KCTD16: variants seen among roughly 807,000 people sequenced by gnomAD.
The protein encoded by KCTD16 is BTB/POZ domain-containing protein KCTD16.
A neutral mutation model predicts 33.2 loss-of-function variants in KCTD16; 13 were observed. The ratio of observed to expected loss-of-function variants is 0.39; its 90% confidence interval spans 0.25 to 0.62. KCTD16 has a LOEUF of 0.62. Ranked by LOEUF, KCTD16 falls within the 20% of genes least tolerant of loss-of-function variation. KCTD16 has a pLI of 0.50. For synonymous variants in KCTD16, 197 were observed against 195.3 expected (o/e 1.01, Z -0.07); for missense variants, 441 against 525.1 (o/e 0.84, Z 1.57).
rs1348990432 is a variant in KCTD16 at position 144,207,415 on chromosome 5, A to T, written c.701A>T (p.Glu234Val). The T allele has an allele frequency of 1.9e-6, 3 of 1,614,202 alleles. No homozygotes were observed. Among genetic ancestry groups the T allele is most frequent in the African/African-American group, 1.3e-5 (1 of 75,056 alleles). The change falls in exon 3 of 4, where the codon GAA becomes GTA. Residue 234 changes from glutamate to valine, a missense_variant. Around this residue, in one of 3 missense-constraint regions of KCTD16, gnomAD observed 355 missense variants for 413.0 expected, o/e 0.86. Coordinates refer to ENST00000512467, the MANE Select transcript of KCTD16 (RefSeq NM_020768.4). The part of the protein sequence containing the change: ...SRFYLKFKHL[E>V]RAFDMLSECG... The stretch of plus-strand genomic sequence containing the variant: ...TTTTATCTCAAATTCAAGCACCTGG[A>T]AAGGGCTTTTGATATGTTGTCAGAG...
At chr5:144,179,278 C>G (rs10476860) in intron 2 of KCTD16, among the ~76,000 whole-genome samples, 6,908 of 152,220 alleles carry the variant, frequency 0.045, 452 homozygotes, top group African/African-American at 0.14. Flanking sequence ...TCAGCCACCC[C>G]ACTCAGGCCT....
At chr5:144,286,121 T>A (rs1265881496) in intron 3 of KCTD16, among the ~76,000 whole-genome samples, 1 of 152,210 alleles carries the variant, frequency 6.6e-6, no homozygotes, top group Non-Finnish European at 1.5e-5. Context: ...TTTGTTTTTT[T>A]CGCTTTGTTT....
intron 3 of KCTD16, among the ~76,000 whole-genome samples, chr5:144,436,037 T>A (rs1753569316): frequency 1.3e-5 from 2 of 152,314 alleles, no homozygotes; most frequent in South Asian, 4.1e-4. Flanking sequence ...CAGTTGTGCT[T>A]GTAGGAGCAT....
chr5:144,443,867 T>G (rs922118781), intron 3 of KCTD16, among the ~76,000 whole-genome samples: 1 of 152,120 alleles, frequency 6.6e-6, no homozygotes, highest in African/African-American at 2.4e-5. Context: ...TTAGATACTT[T>G]GATACAGGCA....
chr5:144,475,517 AGG>A lies in KCTD16; in HGVS notation c.*1404_*1405del. 1 of 152,790 alleles carries A rather than the reference AGG, an allele frequency of 6.5e-6. No homozygotes were observed. The highest frequency in any genetic ancestry group is 2.4e-5 in the African/African-American group (1 of 41,588). 9.5% of individuals were successfully genotyped at this position (152,790 alleles called of 1,614,324 possible). A position where few individuals can be genotyped will look rare whatever the true frequency, so the allele number is the denominator to read the frequency against. ...GTCCATGTAACTCTGTATTTTACTA[AGG>A]TACCAATAGCTCTTTCATAGACTTG... is the stretch of plus-strand genomic sequence containing the variant. On this transcript the variant is annotated 3_prime_UTR_variant, in exon 4 of 4. Transcript: ENST00000512467.
chr5:144,239,073 T>A (rs566177363), intron 3 of KCTD16, among the ~76,000 whole-genome samples: 2 of 152,192 alleles, frequency 1.3e-5, no homozygotes, highest in Admixed American at 6.5e-5. Context: ...AATTGCCACT[T>A]ACTTGTTGTG....
rs190603148 is a variant in KCTD16 at position 144,232,791 on chromosome 5, G to A, written c.832+25245G>A. On this transcript the variant is annotated intron_variant, in intron 3 of 3. Transcript: ENST00000512467. ...CTTGAATAAAACATTTTAACCCACC[G>A]TGTCAAAAATATTCAACATACTTCC... Among the ~76,000 whole-genome samples the A allele has an allele frequency of 1.4e-3, 217 of 152,158 alleles. 3 individuals carry two copies. Among genetic ancestry groups the A allele is most frequent in the Middle Eastern group, 0.01 (3 of 294 alleles).
chr5:144,260,757 G>T (rs1754985585), intron 3 of KCTD16, among the ~76,000 whole-genome samples: 1 of 151,868 alleles, frequency 6.6e-6, no homozygotes, highest in Non-Finnish European at 1.5e-5. Flanking sequence ...TGTTGTTGTT[G>T]TTTGTTTTTT....
intron 3 of KCTD16, 92 bp from the exon 4 acceptor site, chr5:144,473,568 T>C: frequency 8.2e-7 from 1 of 1,213,382 alleles, no homozygotes; most frequent in Non-Finnish European, 1.2e-6. Flanking sequence ...ATGCTTCTCT[T>C]ATGTGTGTTT....
chr5:144,324,061 T>A (rs1752142567), intron 3 of KCTD16, among the ~76,000 whole-genome samples: 1 of 152,186 alleles, frequency 6.6e-6, no homozygotes, highest in African/African-American at 2.4e-5. Flanking sequence ...GCCTTTTGTT[T>A]TTCATTTGCT....
chr5:144,268,655 A>T (rs1755212356), intron 3 of KCTD16, among the ~76,000 whole-genome samples: 1 of 152,168 alleles, frequency 6.6e-6, no homozygotes, highest in Admixed American at 6.5e-5. Flanking sequence ...TTAGATTCAA[A>T]TGTCCACTTT....
rs1561618192 is a variant in KCTD16 at position 144,465,191 on chromosome 5, CTCTCT to C, written c.833-8468_833-8464del. On this transcript the variant is annotated intron_variant, in intron 3 of 3. Coordinates refer to ENST00000512467, the MANE Select transcript of KCTD16 (RefSeq NM_020768.4). ...TACATAGTCTCTCTCTCCCCCCCCT[CTCTCT>C]CTCACTCTCTCTCTCTCTCTTTCTC... is the stretch of plus-strand genomic sequence containing the variant. Among the ~76,000 whole-genome samples the C allele has an allele frequency of 7.8e-4, 69 of 88,552 alleles. 1 individual carries two copies. Among genetic ancestry groups the C allele is most frequent in the Non-Finnish European group, 9.1e-4 (39 of 43,026 alleles). 58.1% of individuals were successfully genotyped at this position (88,552 alleles called of 152,430 possible). A position where few individuals can be genotyped will look rare whatever the true frequency, so the allele number is the denominator to read the frequency against.
chr5:144,304,376 C>G (rs1164111275), intron 3 of KCTD16, among the ~76,000 whole-genome samples: 1 of 151,916 alleles, frequency 6.6e-6, no homozygotes, highest in Non-Finnish European at 1.5e-5. Context: ...CCAGGGGAGT[C>G]CAGATGTGGT....
intron 3 of KCTD16, among the ~76,000 whole-genome samples, chr5:144,460,068 G>T (rs969358844): frequency 6.5e-4 from 99 of 151,502 alleles, no homozygotes; most frequent in African/African-American, 2.3e-3. Context: ...TCCTGACCTC[G>T]TGATCCGCCC....
At chr5:144,467,069 TATA>T (rs1279002184) in intron 3 of KCTD16, among the ~76,000 whole-genome samples, 1 of 131,996 alleles carries the variant, frequency 7.6e-6, no homozygotes, top group South Asian at 2.2e-4. Flanking sequence ...ATGTATTATA[TATA>T]ATATATATAG....
At chr5:144,395,122 T>A (rs1752535618) in intron 3 of KCTD16, among the ~76,000 whole-genome samples, 1 of 152,166 alleles carries the variant, frequency 6.6e-6, no homozygotes, top group Admixed American at 6.5e-5. Context: ...TTATATTATT[T>A]TAGAAGCCCT....
intron 3 of KCTD16, among the ~76,000 whole-genome samples, chr5:144,359,332 A>G (rs1751649727): frequency 6.6e-6 from 1 of 151,936 alleles, no homozygotes; most frequent in African/African-American, 2.4e-5. Flanking sequence ...AGTGGTAGAA[A>G]CTCTTCAGTG....
rs397999492 is a variant in KCTD16 at position 144,388,065 on chromosome 5, GTTTTTTTTTTTTTT to G, written c.833-85578_833-85565del. ...AATCCAGAGTTCAATTTTAGAGCAAGTTTTTTTTTTTTTTTTTTTTTTTTTTTTTTGAGATGGAG... is the reference window on the plus strand; with the variant it reads ...AATCCAGAGTTCAATTTTAGAGCAAGTTTTTTTTTTTTTTTTGAGATGGAG... On this transcript the variant is annotated intron_variant, in intron 3 of 3. Coordinates refer to ENST00000512467, the MANE Select transcript of KCTD16 (RefSeq NM_020768.4). 4.6e-3 allele frequency among the ~76,000 whole-genome samples: 339 copies of G among 73,670 alleles called. 2 individuals are homozygous for G. The highest frequency in any genetic ancestry group is 0.02 in the African/African-American group (325 of 16,110). 48.3% of individuals were successfully genotyped at this position (73,670 alleles called of 152,430 possible).
At chr5:144,434,677 C>T (rs1259960289) in intron 3 of KCTD16, among the ~76,000 whole-genome samples, 1 of 152,146 alleles carries the variant, frequency 6.6e-6, no homozygotes, top group Non-Finnish European at 1.5e-5. Flanking sequence ...AAGCCTACTC[C>T]TTCATTCTTG....
Sources: allele counts gnomAD v4.1 joint callset (sites outside exome capture counted in the v4.1 genomes callset), GRCh38; gene constraint gnomAD v4.1.1; regional missense constraint gnomAD v4.1.1; transcripts MANE v1.5; gene names NCBI Gene and HGNC (gene_info 2026-07-23, HGNC 2026-07-21).